Variants in BMPR1B observed in about 807,000 individuals in gnomAD.
The protein encoded by BMPR1B is bone morphogenetic protein receptor type-1B.
A neutral mutation model predicts 59.1 loss-of-function variants in BMPR1B; 12 were observed. The ratio of observed to expected loss-of-function variants is 0.20; its 90% CI spans 0.13 to 0.33. The LOEUF (loss-of-function observed/expected upper bound fraction) is 0.33. Among genes scored for constraint, BMPR1B ranks in the 10% least tolerant of loss-of-function variants. The pLI is 1.00. For synonymous variants in BMPR1B, 237 were observed against 207.3 expected (o/e 1.14, Z -1.23); for missense variants, 550 against 610.9 (o/e 0.90, Z 1.05).
chr4:94,936,655 A>T (rs1729311698), intron 2 of BMPR1B, among the ~76,000 whole-genome samples: 1 of 152,154 alleles, frequency 6.6e-6, no homozygotes. Context: ...TCTTGTTGAT[A>T]CTTTGAGAAC....
intron 1 of BMPR1B, among the ~76,000 whole-genome samples, chr4:94,768,168 C>G (rs1008420265): frequency 6.6e-6 from 1 of 152,008 alleles, no homozygotes; most frequent in African/African-American, 2.4e-5. Flanking sequence ...TCTTGATTTA[C>G]AGAGCCATAA....
intron 3 of BMPR1B, among the ~76,000 whole-genome samples, chr4:95,019,389 T>A (rs1723810184): frequency 3.9e-5 from 6 of 152,220 alleles, no homozygotes; most frequent in Admixed American, 3.9e-4. Context: ...GGAACTGCTT[T>A]ACTTAAGAAT....
rs959995075 is a variant in BMPR1B at position 95,124,760 on chromosome 4, A to G, written c.447-223A>G. Among the ~76,000 whole-genome samples the G allele has an allele frequency of 5.9e-5, 9 of 152,232 alleles. No individual in the cohort carries two copies. The South Asian group carries it at 1.9e-3, about 32-fold the overall frequency. On this transcript the variant is annotated intron_variant, in intron 7 of 12. Transcript: ENST00000515059. Reference sequence around the variant, plus strand: ...GAAAAATTGTAGATGCTTGAGACTGAGTAAAAATATGTAGTTTATTTAGTT... The same window carrying G: ...GAAAAATTGTAGATGCTTGAGACTGGGTAAAAATATGTAGTTTATTTAGTT...
At chr4:95,011,298 C>T (rs1334207708) in intron 3 of BMPR1B, among the ~76,000 whole-genome samples, 3 of 152,006 alleles carry the variant, frequency 2.0e-5, no homozygotes, top group Non-Finnish European at 4.4e-5. Flanking sequence ...ATTTAGCTCC[C>T]GCTTATAAGT....
intron 1 of BMPR1B, among the ~76,000 whole-genome samples, chr4:94,769,274 C>CA (rs1722080844): frequency 2.0e-5 from 3 of 152,152 alleles, no homozygotes; most frequent in Admixed American, 2.0e-4. Flanking sequence ...TAAAGTGTGT[C>CA]AAAGAGATGA....
At chr4:95,096,594 C>A (rs114886895) in intron 3 of BMPR1B, among the ~76,000 whole-genome samples, 3 of 150,272 alleles carry the variant, frequency 2.0e-5, no homozygotes, top group African/African-American at 7.3e-5. Context: ...GCCAAAAATC[C>A]AACGATCCTC....
At chr4:94,808,687 G>T (rs1723700408) in intron 1 of BMPR1B, among the ~76,000 whole-genome samples, 1 of 152,094 alleles carries the variant, frequency 6.6e-6, no homozygotes, top group African/African-American at 2.4e-5. Flanking sequence ...CACTAGCTTG[G>T]TATAAGTTTC....
rs558902135 is a variant in BMPR1B, at chr4:94,848,724, G to A, written c.-182-27107G>A. On this transcript the variant is annotated intron_variant, in intron 1 of 12. Coordinates refer to ENST00000515059, the MANE Select transcript of BMPR1B (RefSeq NM_001203.3). ...AGGAATGTTAGGACAAAGGGTGGGA[G>A]TGAGAGACCTGCTAGAGGCTACTGA... Among the ~76,000 whole-genome samples, 18 of 152,346 alleles carry A rather than the reference G, an allele frequency of 1.2e-4. 1 individual carries two copies. Among genetic ancestry groups the A allele is most frequent in the African/African-American group, 4.1e-4 (17 of 41,578 alleles).
At chr4:94,937,244 C>T (rs185371253) in intron 2 of BMPR1B, among the ~76,000 whole-genome samples, 4 of 152,252 alleles carry the variant, frequency 2.6e-5, no homozygotes, top group East Asian at 3.9e-4. Context: ...TTATCCTTCA[C>T]GATTCTATTT....
intron 2 of BMPR1B, among the ~76,000 whole-genome samples, chr4:94,978,951 C>CACACACACACACAA (rs1731131915): frequency 1.2e-5 from 1 of 83,448 alleles, no homozygotes; most frequent in Non-Finnish European, 2.4e-5. Flanking sequence ...CACATACATA[C>CACACACACACACAA]ACACACACAC....
intron 3 of BMPR1B, among the ~76,000 whole-genome samples, chr4:95,029,096 T>TG (rs1219903146): frequency 7.2e-5 from 11 of 152,010 alleles, no homozygotes; most frequent in Non-Finnish European, 1.0e-4. Context: ...TATTTCTTAT[T>TG]TTTTATTATT....
At chr4:95,042,685 A>G (rs916987150) in intron 3 of BMPR1B, among the ~76,000 whole-genome samples, 5 of 152,210 alleles carry the variant, frequency 3.3e-5, no homozygotes, top group Non-Finnish European at 1.5e-5. Context: ...AGTATGTATC[A>G]TGATCATTAT....
intron 1 of BMPR1B, among the ~76,000 whole-genome samples, chr4:94,783,551 C>G (rs1009051232): frequency 1.3e-5 from 2 of 152,126 alleles, no homozygotes; most frequent in Admixed American, 1.3e-4. Flanking sequence ...AATCTCTGAG[C>G]CATTGATCTG....
In BMPR1B at chr4:94,779,259, C is replaced by A. The variant is rs572800317; in HGVS notation, c.-183+21191C>A. Among the ~76,000 whole-genome samples, 5 of 151,996 alleles carry A rather than the reference C, an allele frequency of 3.3e-5. No homozygotes were observed. The East Asian group carries it at 9.7e-4, about 29-fold the overall frequency. On this transcript the variant is annotated intron_variant, in intron 1 of 12. Coordinates refer to ENST00000515059, the MANE Select transcript of BMPR1B (RefSeq NM_001203.3). ...TCCAAATGCAATTTATTGAATGTAT[C>A]TATCCTTTCATTCTAGAGTAATTGT...
At chr4:94,812,510 C>G (rs1723857808) in intron 1 of BMPR1B, among the ~76,000 whole-genome samples, 1 of 152,172 alleles carries the variant, frequency 6.6e-6, no homozygotes, top group South Asian at 2.1e-4. Context: ...ACTAGCGTGA[C>G]AGACCATACT....
chr4:94,939,990 G>T (rs1467109583), intron 2 of BMPR1B, among the ~76,000 whole-genome samples: 1 of 152,192 alleles, frequency 6.6e-6, no homozygotes, highest in Non-Finnish European at 1.5e-5. Context: ...AAAGTAATCT[G>T]ATACTACTCC....
intron 1 of BMPR1B, among the ~76,000 whole-genome samples, chr4:94,770,821 T>G (rs867600285): frequency 1.3e-5 from 2 of 150,898 alleles, no homozygotes; most frequent in Middle Eastern, 6.9e-3. Context: ...TCCAGTGGAT[T>G]ATATTGACTG....
intron 6 of BMPR1B, among the ~76,000 whole-genome samples, chr4:95,120,735 G>T (rs896359387): frequency 1.5e-5 from 2 of 132,154 alleles, no homozygotes; most frequent in African/African-American, 2.9e-5. Context: ...CTCTCTTTCT[G>T]TCTGTCTCTC....
At chr4:94,769,348 C>T (rs997537465) in intron 1 of BMPR1B, among the ~76,000 whole-genome samples, 6 of 152,144 alleles carry the variant, frequency 3.9e-5, no homozygotes, top group East Asian at 1.9e-4. Flanking sequence ...CGGTGGCTCA[C>T]GCCTGTAATC....
Sources: gnomAD v4.1 joint callset for allele counts (sites outside exome capture counted in the v4.1 genomes callset) on GRCh38, gnomAD v4.1.1 for gene constraint, MANE v1.5 for transcripts, NCBI Gene and HGNC (gene_info 2026-07-23, HGNC 2026-07-21) for gene names.